Variants in CEP112 observed in about 807,000 individuals in gnomAD.
The protein encoded by CEP112 is centrosomal protein 112.
CEP112 carries 127 observed loss-of-function variants against 153.0 expected under a neutral mutation model. That is an observed-to-expected ratio of 0.83 (90% CI 0.72 to 0.96). The LOEUF is 0.96. Among genes scored for constraint, CEP112 ranks in the 40% least tolerant of loss-of-function variants. CEP112 has a pLI of 0.00. For synonymous variants in CEP112, 358 were observed against 374.4 expected (o/e 0.96, Z 0.51); for missense variants, 1,089 against 1,101.2 (o/e 0.99, Z 0.16).
chr17:65,754,023 C>T (rs898323429), intron 21 of CEP112, among the ~76,000 whole-genome samples: 22 of 152,242 alleles, frequency 1.4e-4, no homozygotes, highest in Non-Finnish European at 2.2e-4. Context: ...AGCCAAGAAT[C>T]TCTCTCCATT....
At chr17:66,109,850 T>C (rs1226480301) in intron 6 of CEP112, among the ~76,000 whole-genome samples, 4 of 152,202 alleles carry the variant, frequency 2.6e-5, no homozygotes, top group East Asian at 1.9e-4. Flanking sequence ...GGTGGGGCAA[T>C]TGGCAATTTA....
At chr17:65,794,546 C>G (rs993991803) in intron 21 of CEP112, among the ~76,000 whole-genome samples, 18 of 152,294 alleles carry the variant, frequency 1.2e-4, no homozygotes, top group African/African-American at 4.1e-4. Flanking sequence ...GGAAACTCCC[C>G]CTGGCGAAAC....
At chr17:65,964,825 A>G (rs73992155) in intron 17 of CEP112, among the ~76,000 whole-genome samples, 2,043 of 152,322 alleles carry the variant, frequency 0.013, 41 homozygotes, top group African/African-American at 0.046. Context: ...GCACTTGGGA[A>G]GACCATTTTA....
chr17:65,653,681 G>C (rs1205579193), intron 24 of CEP112, among the ~76,000 whole-genome samples: 1 of 152,206 alleles, frequency 6.6e-6, no homozygotes, highest in African/African-American at 2.4e-5. Context: ...ACAGGAATGT[G>C]GAGGATGTTT....
intron 19 of CEP112, among the ~76,000 whole-genome samples, chr17:65,906,938 T>A (rs1187583938): frequency 6.6e-6 from 1 of 152,240 alleles, no homozygotes; most frequent in African/African-American, 2.4e-5. Flanking sequence ...CAAAATCATT[T>A]AAGCATGTAA....
chr17:65,937,553 T>G (rs1187836813), intron 18 of CEP112, among the ~76,000 whole-genome samples: 1 of 97,982 alleles, frequency 1.0e-5, no homozygotes, highest in Admixed American at 1.3e-4. Flanking sequence ...AGCCGCCCCG[T>G]CCGGGAGGGA....
intron 4 of CEP112, among the ~76,000 whole-genome samples, chr17:66,154,192 G>A (rs1568554030): frequency 6.7e-6 from 1 of 148,944 alleles, no homozygotes; most frequent in South Asian, 2.1e-4. Flanking sequence ...AAAAGGGGGG[G>A]CCAACTACAG....
chr17:66,063,387 A>C (rs1409017144), intron 10 of CEP112, among the ~76,000 whole-genome samples: 1 of 152,172 alleles, frequency 6.6e-6, no homozygotes, highest in Non-Finnish European at 1.5e-5. Flanking sequence ...TAAGTGAAGT[A>C]ACTCAGGAAT....
intron 21 of CEP112, among the ~76,000 whole-genome samples, chr17:65,828,470 G>A (rs868179174): frequency 1.3e-5 from 2 of 152,210 alleles, no homozygotes; most frequent in Non-Finnish European, 2.9e-5. Flanking sequence ...GTATGTTGAG[G>A]ATGACTGAGG....
At chr17:65,851,528 T>C (rs775908922) in intron 21 of CEP112, among the ~76,000 whole-genome samples, 5 of 152,198 alleles carry the variant, frequency 3.3e-5, no homozygotes, top group Non-Finnish European at 7.3e-5. Context: ...TATTATAATA[T>C]CACTTTATTA....
intron 4 of CEP112, among the ~76,000 whole-genome samples, chr17:66,154,380 G>C (rs112708502): frequency 0.01 from 1,536 of 150,252 alleles, 14 homozygotes; most frequent in East Asian, 0.037. Context: ...CTGGGTGTGG[G>C]GGGGGGAGCC....
At chr17:65,967,857 A>G (rs1457320322) in intron 17 of CEP112, among the ~76,000 whole-genome samples, 2 of 138,170 alleles carry the variant, frequency 1.4e-5, no homozygotes, top group African/African-American at 5.0e-5. Context: ...TAAACTAACA[A>G]AATATTGAGA....
At chr17:65,798,560 T>C (rs901930735) in intron 21 of CEP112, among the ~76,000 whole-genome samples, 3 of 152,244 alleles carry the variant, frequency 2.0e-5, no homozygotes, top group East Asian at 1.9e-4. Context: ...TACTCTCCTA[T>C]GTTCTACTCA....
intron 16 of CEP112, among the ~76,000 whole-genome samples, chr17:66,026,662 T>C (rs1235705596): frequency 2.0e-5 from 3 of 152,190 alleles, no homozygotes; most frequent in African/African-American, 7.2e-5. Context: ...GATACCAAAA[T>C]CCATGGATGC....
chr17:65,825,040 C>T (rs1184148704), intron 21 of CEP112, among the ~76,000 whole-genome samples: 1 of 152,176 alleles, frequency 6.6e-6, no homozygotes, highest in Non-Finnish European at 1.5e-5. Flanking sequence ...TTCACAAAAA[C>T]ATTATTCATA....
intron 8 of CEP112, among the ~76,000 whole-genome samples, chr17:66,089,737 A>G (rs1163552808): frequency 6.6e-6 from 1 of 152,174 alleles, no homozygotes; most frequent in Non-Finnish European, 1.5e-5. Flanking sequence ...AAGAAGAAAA[A>G]GAGAGACAAA....
At chr17:65,989,962 CTTG>C (rs146036188) in intron 17 of CEP112, among the ~76,000 whole-genome samples, 2,070 of 152,202 alleles carry the variant, frequency 0.014, 44 homozygotes, top group African/African-American at 0.047. Flanking sequence ...TTTAAAATAA[CTTG>C]TTATCGCTAT....
intron 4 of CEP112, among the ~76,000 whole-genome samples, chr17:66,152,582 A>G (rs1415857913): frequency 6.6e-6 from 1 of 152,202 alleles, no homozygotes; most frequent in Non-Finnish European, 1.5e-5. Flanking sequence ...AGCCAAGGGT[A>G]TAAATGTAAA....
At chr17:65,971,514 A>G (rs1016410476) in intron 17 of CEP112, among the ~76,000 whole-genome samples, 1 of 152,190 alleles carries the variant, frequency 6.6e-6, no homozygotes, top group Non-Finnish European at 1.5e-5. Context: ...ACACATGCAC[A>G]TTACATGTGT....
Sources: allele counts gnomAD v4.1 joint callset (sites outside exome capture counted in the v4.1 genomes callset), GRCh38; gene constraint gnomAD v4.1.1; transcripts MANE v1.5; gene names NCBI Gene and HGNC (gene_info 2026-07-23, HGNC 2026-07-21).